ANKRD50: variants seen among roughly 807,000 people sequenced by gnomAD.
ANKRD50 encodes the protein ankyrin repeat domain-containing protein 50.
ANKRD50 carries 40 observed loss-of-function variants against 112.0 expected under a neutral mutation model. The ratio of observed to expected loss-of-function variants is 0.36; its 90% CI spans 0.28 to 0.46. The LOEUF is 0.46. Among genes scored for constraint, ANKRD50 ranks in the 20% least tolerant of loss-of-function variants. ANKRD50 has a pLI of 1.00. For synonymous variants in ANKRD50, 613 were observed against 619.1 expected (o/e 0.99, Z 0.15); for missense variants, 1,487 against 1,701.7 (o/e 0.87, Z 2.22).
intron 2 of ANKRD50, among the ~76,000 whole-genome samples, chr4:124,680,188 T>TAAAATTTTA (rs1724847440): frequency 6.6e-6 from 1 of 152,176 alleles, no homozygotes; most frequent in African/African-American, 2.4e-5. Context: ...AGTGTCTTTT[T>TAAAATTTTA]AAAATTTTTC....
chr4:124,712,188 T>C (rs990659154), intron 1 of ANKRD50, among the ~76,000 whole-genome samples: 4 of 151,460 alleles, frequency 2.6e-5, no homozygotes, highest in Admixed American at 1.3e-4. Flanking sequence ...GATTGGGGTG[T>C]GTCTTTTGAA....
rs1730482408 is a variant in ANKRD50 at position 124,666,066 on chromosome 4, A to G, written c.*1452T>C. 6.6e-6 allele frequency: 1 copy of G among 152,076 alleles called. No individual in the cohort carries two copies. The highest frequency in any genetic ancestry group is 2.4e-5 in the African/African-American group (1 of 41,430). 9.4% of individuals were successfully genotyped at this position (152,076 alleles called of 1,614,324 possible). On this transcript the variant is annotated 3_prime_UTR_variant, in exon 5 of 5. Coordinates refer to ENST00000504087, the MANE Select transcript of ANKRD50 (RefSeq NM_020337.3). ...TCCTCATCAACAGTACATGAAAAGA[A>G]CAGAATTTCTGGGTTCTATAAGATT...
intron 2 of ANKRD50, among the ~76,000 whole-genome samples, chr4:124,703,360 CTG>C (rs1188971698): frequency 6.6e-6 from 1 of 152,086 alleles, no homozygotes; most frequent in African/African-American, 2.4e-5. Flanking sequence ...GGAAGGGAAA[CTG>C]ATACGGAAGA....
Position 124,710,431 on chromosome 4 carries a change from C to A in ANKRD50, c.81G>T (p.Glu27Asp), listed in dbSNP as rs151298608. ...AATGCTGAAGCTTGTGGAAAACCCACTCCCTACAGTAAAACTGCTTCCCTT... is the reference window on the plus strand; with the variant it reads ...AATGCTGAAGCTTGTGGAAAACCCAATCCCTACAGTAAAACTGCTTCCCTT... The part of the protein sequence containing the change: ...LLQGKQFYCR[E>D]WVFHKLQHCL... The change falls in exon 2 of 5, where the codon GAG (glutamate) becomes GAT (aspartate). Residue 27 changes from glutamate (E) to aspartate (D), a missense_variant. Physicochemically the swap from Glu to Asp is conservative, Grantham distance 45. Coordinates refer to ENST00000504087, the MANE Select transcript of ANKRD50 (RefSeq NM_020337.3). 5 of 1,614,092 alleles carry A rather than the reference C, an allele frequency of 3.1e-6. No homozygotes were observed. The African/African-American group carries it at 6.7e-5, about 22-fold the overall frequency.
At chr4:124,690,486 C>A (rs1725110556) in intron 2 of ANKRD50, among the ~76,000 whole-genome samples, 1 of 151,968 alleles carries the variant, frequency 6.6e-6, no homozygotes, top group Non-Finnish European at 1.5e-5. Flanking sequence ...AAGAGCATTT[C>A]CCCAAAAATG....
intron 2 of ANKRD50, among the ~76,000 whole-genome samples, chr4:124,686,238 ATCAGGTTTCAGC>A (rs1725004725): frequency 6.6e-6 from 1 of 152,224 alleles, no homozygotes; most frequent in Non-Finnish European, 1.5e-5. Context: ...TCTATGAAAC[ATCAGGTTTCAGC>A]TCACTTTCTT....
chr4:124,680,908 AC>A (rs1207736751), intron 2 of ANKRD50, among the ~76,000 whole-genome samples: 1 of 152,114 alleles, frequency 6.6e-6, no homozygotes, highest in Non-Finnish European at 1.5e-5. Flanking sequence ...GAAGAGAAAG[AC>A]CAGTGAAGTA....
intron 2 of ANKRD50, among the ~76,000 whole-genome samples, chr4:124,705,020 A>G (rs1178594130): frequency 6.6e-6 from 1 of 151,988 alleles, no homozygotes; most frequent in African/African-American, 2.4e-5. Context: ...CGTGAACCCG[A>G]GAGGCGGAGC....
chr4:124,707,691 T>G (rs774069091), intron 2 of ANKRD50, among the ~76,000 whole-genome samples: 1 of 152,062 alleles, frequency 6.6e-6, no homozygotes, highest in African/African-American at 2.4e-5. Context: ...GCCTTCTCTT[T>G]TATTAAAGTG....
intron 2 of ANKRD50, among the ~76,000 whole-genome samples, chr4:124,699,073 T>C (rs956701908): frequency 3.9e-5 from 6 of 152,190 alleles, no homozygotes; most frequent in Admixed American, 6.5e-5. Context: ...TGTATACCTA[T>C]ATATCTCCCC....
chr4:124,712,274 C>T (rs1199104291), intron 1 of ANKRD50, among the ~76,000 whole-genome samples, 184 bp downstream of exon 1: 1 of 152,178 alleles, frequency 6.6e-6, no homozygotes, highest in Non-Finnish European at 1.5e-5. Context: ...CCTCTGCGCT[C>T]CCGCCCCATG....
intron 2 of ANKRD50, among the ~76,000 whole-genome samples, chr4:124,688,865 T>C (rs1473219125): frequency 2.0e-5 from 3 of 152,204 alleles, no homozygotes; most frequent in Non-Finnish European, 4.4e-5. Flanking sequence ...CACTTGGTTC[T>C]TTAAACAGAT....
rs149618865 is a variant in ANKRD50 at position 124,705,246 on chromosome 4, T to G, written c.512+4754A>C. Reference sequence around the variant, plus strand: ...ATTCCCATTTGACACACAAAACAAATGTCAGTATTTGGTCTCCCAGTTTGC... The same window carrying G: ...ATTCCCATTTGACACACAAAACAAAGGTCAGTATTTGGTCTCCCAGTTTGC... On this transcript the variant is annotated intron_variant, in intron 2 of 4. Coordinates refer to ENST00000504087, the MANE Select transcript of ANKRD50 (RefSeq NM_020337.3). Among the ~76,000 whole-genome samples the G allele has an allele frequency of 1.1e-4, 17 of 152,322 alleles. No homozygotes were observed. In the East Asian group the frequency reaches 3.3e-3, roughly 29 times the overall value.
intron 2 of ANKRD50, among the ~76,000 whole-genome samples, chr4:124,686,278 T>C (rs935795777): frequency 4.6e-5 from 7 of 152,160 alleles, no homozygotes; most frequent in Admixed American, 4.6e-4. Context: ...TGTTCAGACA[T>C]AGAGTATTAG....
Position 124,669,463 on chromosome 4 carries a change from T to TC in ANKRD50, c.3813dup (p.Lys1272GlufsTer19). ...CCAGACTTGGCAGAATTTTCTGATTTCCCCCCTTTACTTGCTTTAGTTGAC... is the reference window on the plus strand; with the variant it reads ...CCAGACTTGGCAGAATTTTCTGATTTCCCCCCCTTTACTTGCTTTAGTTGAC... On this transcript the variant is annotated frameshift_variant, in exon 4 of 5. Transcript: ENST00000504087. LOFTEE classifies it high-confidence loss of function. 6.2e-7 allele frequency: 1 copy of TC among 1,612,436 alleles called. No individual in the cohort carries two copies. Among genetic ancestry groups the TC allele is most frequent in the Admixed American group, 1.7e-5 (1 of 59,630 alleles).
At position 124,671,107 on chromosome 4, in the gene ANKRD50, T is replaced by C. The variant is rs1306501265; in HGVS notation, c.2170A>G (p.Ser724Gly). The C allele has an allele frequency of 1.2e-6, 2 of 1,613,840 alleles. No homozygotes were observed. The highest frequency in any genetic ancestry group is 1.7e-6 in the Non-Finnish European group (2 of 1,179,860). ...CTAACAACTGATGCGTGCCCTTTACTTGCAGGCACACAAAGTGCAGCTACA... is the reference window on the plus strand; with the variant it reads ...CTAACAACTGATGCGTGCCCTTTACCTGCAGGCACACAAAGTGCAGCTACA... ...LSVAALCVPA[S>G]KGHASVVSLL... Residue 724 changes from serine (S) to glycine (G), a missense_variant, in exon 4 of 5, where the codon AGT (serine) becomes GGT (glycine). Transcript: ENST00000504087.
intron 2 of ANKRD50, among the ~76,000 whole-genome samples, chr4:124,692,955 A>G (rs866276523): frequency 2.0e-4 from 30 of 152,306 alleles, no homozygotes; most frequent in African/African-American, 7.0e-4. Flanking sequence ...AAATTAGATA[A>G]TATTATCACT....
At chr4:124,700,144 T>G (rs1252105230) in intron 2 of ANKRD50, among the ~76,000 whole-genome samples, 1 of 152,098 alleles carries the variant, frequency 6.6e-6, no homozygotes, top group East Asian at 1.9e-4. Context: ...GAGGAGGCAA[T>G]GTTAAAGATG....
chr4:124,671,926 C>T lies in ANKRD50; in HGVS notation c.1351G>A (p.Glu451Lys). 1.2e-6 allele frequency: 2 copies of T among 1,613,892 alleles called. No individual in the cohort carries two copies. Among genetic ancestry groups the T allele is most frequent in the Non-Finnish European group, 1.7e-6 (2 of 1,179,876 alleles). The part of the protein sequence containing the change: ...TCQAKNLTPL[E>K]AQEFALHLIN... Reference sequence around the variant, plus strand: ...AAGTGCAATGCAAATTCTTGTGCTTCCAATGGTGTTAAATTCTTGGCTTGA... The same window carrying T: ...AAGTGCAATGCAAATTCTTGTGCTTTCAATGGTGTTAAATTCTTGGCTTGA... Residue 451 changes from glutamate (E) to lysine (K), a missense_variant, in exon 4 of 5, where the codon GAA (glutamate) becomes AAA (lysine). Physicochemically the swap from Glu to Lys is moderately conservative, Grantham distance 56. Around this residue, in one of 2 missense-constraint regions of ANKRD50, gnomAD observed 1,046 missense variants for 1,269.5 expected, o/e 0.82. Transcript: ENST00000504087.
Sources: gnomAD v4.1 joint callset for allele counts (sites outside exome capture counted in the v4.1 genomes callset) on GRCh38, gnomAD v4.1.1 for gene constraint, gnomAD v4.1.1 regional missense constraint, MANE v1.5 for transcripts, NCBI Gene and HGNC (gene_info 2026-07-23, HGNC 2026-07-21) for gene names.